RBFOX1: variants seen among roughly 807,000 people sequenced by gnomAD.
RBFOX1 encodes the protein RNA binding fox-1 homolog 1.
Under a neutral mutation model 57.7 loss-of-function variants are expected in RBFOX1, and 8 were observed. The ratio of observed to expected loss-of-function variants is 0.14; its 90% CI spans 0.08 to 0.25. The LOEUF is 0.25. Among genes scored for constraint, RBFOX1 ranks in the 10% least tolerant of loss-of-function variants. RBFOX1 has a pLI of 1.00. For missense variants in RBFOX1, 611 were observed against 548.5 expected (o/e 1.11, Z -1.14); for synonymous variants, 326 against 222.4 (o/e 1.47, Z -4.15).
chr16:7,466,599 T>A lies in RBFOX1; in HGVS notation c.28-51548T>A, dbSNP rs538730024. 5.3e-5 allele frequency among the ~76,000 whole-genome samples: 8 copies of A among 152,320 alleles called. No individual in the cohort carries two copies. In the South Asian group the frequency reaches 1.2e-3, roughly 24 times the overall value. ...CGGAATATTCAGGAAATGTCATTGA[T>A]CTGGATCCCAGCTCTGCACTCACTA... On this transcript the variant is annotated intron_variant, in intron 4 of 15. Transcript: ENST00000550418.
chr16:6,615,119 C>T (rs1261875499), intron 2 of RBFOX1, among the ~76,000 whole-genome samples: 4 of 152,172 alleles, frequency 2.6e-5, no homozygotes, highest in Admixed American at 2.6e-4. Flanking sequence ...AAGGCAAACT[C>T]ATTGTATAAA....
intron 4 of RBFOX1, among the ~76,000 whole-genome samples, chr16:7,088,596 T>C (rs996406073): frequency 6.6e-6 from 1 of 152,120 alleles, no homozygotes; most frequent in African/African-American, 2.4e-5. Context: ...TGGTAACCCG[T>C]AGTTATGAAT....
intron 9 of RBFOX1, among the ~76,000 whole-genome samples, chr16:7,605,152 G>A (rs1429106166): frequency 6.6e-6 from 1 of 152,012 alleles, no homozygotes; most frequent in Non-Finnish European, 1.5e-5. Flanking sequence ...ATATCCTCAG[G>A]AATTAGACTT....
chr16:7,135,346 A>G (rs2071623633), intron 4 of RBFOX1, among the ~76,000 whole-genome samples: 2 of 152,338 alleles, frequency 1.3e-5, no homozygotes, highest in East Asian at 3.9e-4. Flanking sequence ...AGCACTTTGC[A>G]GAAAGAACAC....
intron 3 of RBFOX1, among the ~76,000 whole-genome samples, chr16:6,784,558 C>G (rs1355285497): frequency 6.6e-6 from 1 of 152,090 alleles, no homozygotes; most frequent in Non-Finnish European, 1.5e-5. Flanking sequence ...TCAAGACAAC[C>G]ATTTTGAATT....
At position 6,256,215 on chromosome 16, in the gene RBFOX1, ATATATG is replaced by A. The variant is rs1567788297; in HGVS notation, c.-126-60774_-126-60769del. Among the ~76,000 whole-genome samples, 301 of 105,126 alleles carry A rather than the reference ATATATG, an allele frequency of 2.9e-3. 7 individuals carry two copies. The highest frequency in any genetic ancestry group is 0.011 in the African/African-American group (244 of 23,230). The allele number at this position is 105,126 out of a possible 152,430, so 69.0% of individuals were successfully genotyped here. On this transcript the variant is annotated intron_variant, in intron 1 of 15. Coordinates refer to ENST00000550418, the MANE Select transcript of RBFOX1 (RefSeq NM_018723.4). Reference sequence around the variant, plus strand: ...TATATATGTATATGTATATGTGTATATATATGTATATATATATGTGTATATATATAT... The same window carrying A: ...TATATATGTATATGTATATGTGTATATATATATATATGTGTATATATATAT...
chr16:5,266,902 A>G (rs903789328), intron 1 of RBFOX1, among the ~76,000 whole-genome samples: 1 of 152,116 alleles, frequency 6.6e-6, no homozygotes, highest in Non-Finnish European at 1.5e-5. Flanking sequence ...GACCTCTTCT[A>G]TGTGCACATT....
intron 4 of RBFOX1, among the ~76,000 whole-genome samples, chr16:7,140,343 T>C (rs150581502): frequency 0.014 from 2,146 of 150,726 alleles, 18 homozygotes; most frequent in Non-Finnish European, 0.02. Context: ...CAAAGTTTCT[T>C]TTCCCCACTC....
intron 4 of RBFOX1, among the ~76,000 whole-genome samples, chr16:5,957,682 T>C (rs556887877): frequency 6.6e-6 from 1 of 152,284 alleles, no homozygotes; most frequent in East Asian, 1.9e-4. Flanking sequence ...TTTTGGAATT[T>C]TGTGGGTACA....
intron 2 of RBFOX1, among the ~76,000 whole-genome samples, chr16:5,488,499 T>G (rs2042716146): frequency 7.2e-6 from 1 of 138,528 alleles, no homozygotes; most frequent in East Asian, 2.1e-4. Flanking sequence ...AATGGAGGAT[T>G]ATAGTGATGA....
chr16:6,181,128 TG>T (rs1413536744), intron 1 of RBFOX1, among the ~76,000 whole-genome samples: 1 of 152,202 alleles, frequency 6.6e-6, no homozygotes, highest in African/African-American at 2.4e-5. Context: ...CTGAAATGTA[TG>T]GGCTGGTAAA....
At position 6,520,913 on chromosome 16, in the gene RBFOX1, G is replaced by C. The variant is rs541073734; in HGVS notation, c.-63-133690G>C. ...GAGAAAAAAATCCAATAAAATTTCT[G>C]TGAATAACCAGTGTTGGAAAGAGTG... On this transcript the variant is annotated intron_variant, in intron 2 of 15. Coordinates refer to ENST00000550418, the MANE Select transcript of RBFOX1 (RefSeq NM_018723.4). Among the ~76,000 whole-genome samples the C allele has an allele frequency of 6.1e-4, 93 of 152,224 alleles. 1 individual carries two copies. The South Asian group carries it at 0.019, about 31-fold the overall frequency.
At chr16:5,903,666 C>T (rs1005011588) in intron 4 of RBFOX1, among the ~76,000 whole-genome samples, 2 of 152,110 alleles carry the variant, frequency 1.3e-5, no homozygotes, top group Non-Finnish European at 2.9e-5. Context: ...TTGGGGGCAC[C>T]TCTAATAGTA....
At chr16:7,210,713 C>A (rs1004113310) in intron 4 of RBFOX1, among the ~76,000 whole-genome samples, 1 of 152,036 alleles carries the variant, frequency 6.6e-6, no homozygotes, top group Non-Finnish European at 1.5e-5. Flanking sequence ...CATTGTTGCT[C>A]CAATTATCAT....
At chr16:6,403,336 G>A (rs944994904) in intron 2 of RBFOX1, among the ~76,000 whole-genome samples, 18 of 152,100 alleles carry the variant, frequency 1.2e-4, no homozygotes, top group African/African-American at 3.9e-4. Flanking sequence ...GGGGTGGCTT[G>A]CTTTTGATAA....
chr16:7,515,949 G>A (rs901526525), intron 4 of RBFOX1, among the ~76,000 whole-genome samples: 4 of 152,016 alleles, frequency 2.6e-5, no homozygotes, highest in Non-Finnish European at 5.9e-5. Flanking sequence ...CATTCAAGTG[G>A]TTCTCCTGCC....
intron 1 of RBFOX1, among the ~76,000 whole-genome samples, chr16:6,101,817 C>G (rs191163625): frequency 1.3e-5 from 2 of 152,314 alleles, no homozygotes; most frequent in African/African-American, 4.8e-5. Context: ...AAATCCTGCA[C>G]ATATCCACAG....
At chr16:5,307,355 C>T (rs2063965058) in intron 1 of RBFOX1, among the ~76,000 whole-genome samples, 2 of 152,206 alleles carry the variant, frequency 1.3e-5, no homozygotes, top group South Asian at 4.1e-4. Flanking sequence ...TTCTGGACTA[C>T]TGATTCTCTC....
chr16:7,461,407 C>T (rs1417362859), intron 4 of RBFOX1, among the ~76,000 whole-genome samples: 1 of 152,060 alleles, frequency 6.6e-6, no homozygotes, highest in Admixed American at 6.6e-5. Flanking sequence ...ACCTCGTGAT[C>T]CGCTCACCTT....
Sources: allele counts gnomAD v4.1 joint callset (sites outside exome capture counted in the v4.1 genomes callset), GRCh38; gene constraint gnomAD v4.1.1; transcripts MANE v1.5; gene names NCBI Gene and HGNC (gene_info 2026-07-23, HGNC 2026-07-21).